The following MICAL3 variants were observed in gnomAD, a reference collection of about 807,000 sequenced individuals.
MICAL3 encodes [F-actin]-monooxygenase MICAL3.
MICAL3 carries 62 observed loss-of-function variants against 207.4 expected under a neutral mutation model. The observed-to-expected ratio is 0.30, with a 90% CI of 0.24 to 0.37. The LOEUF (loss-of-function observed/expected upper bound fraction) is 0.37. Ranked by LOEUF, MICAL3 falls within the 10% of genes least tolerant of loss-of-function variation. The pLI, the probability that MICAL3 is intolerant of heterozygous loss-of-function variation, is 1.00. For missense variants in MICAL3, 2,368 were observed against 2,635.6 expected (o/e 0.90, Z 2.22); for synonymous variants, 1,077 against 1,069.3 (o/e 1.01, Z -0.14).
At chr22:17,995,838 T>A (rs536838989) in intron 1 of MICAL3, among the ~76,000 whole-genome samples, 12 of 151,788 alleles carry the variant, frequency 7.9e-5, no homozygotes, top group African/African-American at 2.7e-4. Context: ...GCGGCAATCA[T>A]CTCTCCTCTG....
At chr22:17,971,764 C>T (rs1935422843) in intron 1 of MICAL3, among the ~76,000 whole-genome samples, 1 of 152,228 alleles carries the variant, frequency 6.6e-6, no homozygotes, top group Non-Finnish European at 1.5e-5. Context: ...TAAGACAGAA[C>T]ATCGGAAGGG....
At chr22:17,826,948 C>G (rs73382801) in intron 22 of MICAL3, among the ~76,000 whole-genome samples, 499 of 152,306 alleles carry the variant, frequency 3.3e-3, no homozygotes, top group African/African-American at 0.012. Flanking sequence ...GGGTGTGGCC[C>G]GTGACCGGCG....
In MICAL3 at chr22:17,863,255, T is replaced by C. The variant is rs927086897; in HGVS notation, c.2605+1644A>G. On this transcript the variant is annotated intron_variant, in intron 19 of 31. Coordinates refer to ENST00000441493, the MANE Select transcript of MICAL3 (RefSeq NM_015241.3). ...ATTCTTTTTAAAAAATGTTCTGTAC[T>C]CCAAACCGAAATGGAAAGTTTAGTT... 5 of 985,302 alleles carry C rather than the reference T, an allele frequency of 5.1e-6. No homozygotes were observed. In the African/African-American group the frequency reaches 8.7e-5, roughly 17 times the overall value. 61.0% of individuals were successfully genotyped at this position (985,302 alleles called of 1,614,324 possible).
At chr22:17,992,722 A>G (rs1200499233) in intron 1 of MICAL3, among the ~76,000 whole-genome samples, 2 of 151,996 alleles carry the variant, frequency 1.3e-5, no homozygotes, top group Non-Finnish European at 2.9e-5. Context: ...AATTCAAGCT[A>G]CCACCTGTGA....
chr22:17,794,596 AG>A (rs1258483921), intron 29 of MICAL3, among the ~76,000 whole-genome samples: 2 of 152,168 alleles, frequency 1.3e-5, no homozygotes, highest in Non-Finnish European at 2.9e-5. Flanking sequence ...TCTCTCCCCC[AG>A]GAACAGGGAG....
At chr22:17,973,991 A>G (rs1289923772) in intron 1 of MICAL3, among the ~76,000 whole-genome samples, 1 of 152,218 alleles carries the variant, frequency 6.6e-6, no homozygotes, top group Non-Finnish European at 1.5e-5. Flanking sequence ...CCTATTTATC[A>G]CAACAGAAAA....
intron 1 of MICAL3, chr22:18,019,726 G>T: frequency 2.0e-5 from 4 of 203,044 alleles, no homozygotes; most frequent in South Asian, 1.8e-4. Context: ...AGAAAAAAAG[G>T]GTGATCAGGG....
In MICAL3 at chr22:17,817,552, G is replaced by A. The variant is rs1205400938; in HGVS notation, c.5109C>T (p.Phe1703=). Residue 1703 remains phenylalanine, a synonymous_variant, in exon 26 of 32, where the codon TTC becomes TTT. Coordinates refer to ENST00000441493, the MANE Select transcript of MICAL3 (RefSeq NM_015241.3). ...TCTCCTTCTTGTTTCTGCGGGGGGA[G>A]AAGAGTGACGACCTCTTCTTGCTCT... The part of the protein sequence containing the change: ...SGKSKKRSSL[F]SPRRNKKEKK... 3.7e-6 allele frequency: 6 copies of A among 1,613,320 alleles called. No homozygotes were observed. The highest frequency in any genetic ancestry group is 3.3e-5 in the Admixed American group (2 of 59,982).
At chr22:17,881,245 G>A (rs1929397828) in intron 16 of MICAL3, 1 of 1,612,332 alleles carries the variant, frequency 6.2e-7, no homozygotes, top group Non-Finnish European at 8.5e-7. Context: ...TGGAGTAGGG[G>A]GAGGAGACAG....
chr22:17,815,937 T>G (rs1920981823), intron 27 of MICAL3, among the ~76,000 whole-genome samples: 1 of 152,126 alleles, frequency 6.6e-6, no homozygotes, highest in Non-Finnish European at 1.5e-5. Context: ...GAAGGCATGC[T>G]ACATTCTCGG....
At chr22:17,963,510 C>T (rs1224545383) in intron 1 of MICAL3, among the ~76,000 whole-genome samples, 1 of 152,070 alleles carries the variant, frequency 6.6e-6, no homozygotes, top group African/African-American at 2.4e-5. Flanking sequence ...CGTGATGGGC[C>T]TCCGTCGCCG....
At chr22:17,967,914 A>G (rs11704948) in intron 1 of MICAL3, among the ~76,000 whole-genome samples, 1,649 of 152,248 alleles carry the variant, frequency 0.011, 8 homozygotes, top group Middle Eastern at 0.017. Flanking sequence ...GTGGTCACGC[A>G]CACCTGTAAT....
chr22:17,877,229 G>A lies in MICAL3; in HGVS notation c.2242-5206C>T, dbSNP rs199615538. On this transcript the variant is annotated intron_variant, in intron 16 of 31. Coordinates refer to ENST00000441493, the MANE Select transcript of MICAL3 (RefSeq NM_015241.3). ...TTATGGAGGTTATGGAGGTTAGGGA[G>A]GTTATGGAGGTTAGGGAGGTTAGGG... Among the ~76,000 whole-genome samples, 315 of 60,822 alleles carry A rather than the reference G, an allele frequency of 5.2e-3. 3 individuals carry two copies. The highest frequency in any genetic ancestry group is 0.011 in the East Asian group (20 of 1,774). 39.9% of individuals were successfully genotyped at this position (60,822 alleles called of 152,430 possible).
At chr22:17,858,382 G>A in intron 19 of MICAL3, 1 of 754,968 alleles carries the variant, frequency 1.3e-6, no homozygotes, top group Middle Eastern at 6.8e-4. Context: ...GAGGCGCTTG[G>A]CTGGGTGAGC....
At chr22:17,971,302 T>C (rs1246713281) in intron 1 of MICAL3, among the ~76,000 whole-genome samples, 1 of 152,108 alleles carries the variant, frequency 6.6e-6, no homozygotes, top group Non-Finnish European at 1.5e-5. Context: ...ACCCCATCTC[T>C]ACTAAAATAC....
intron 29 of MICAL3, among the ~76,000 whole-genome samples, chr22:17,797,729 A>G (rs1224442735): frequency 6.6e-6 from 1 of 152,264 alleles, no homozygotes; most frequent in African/African-American, 2.4e-5. Context: ...GGTAAGGATG[A>G]TGCGGGAGAC....
intron 5 of MICAL3, 76 bp from the exon 6 acceptor site, chr22:17,901,073 C>G (rs1931280420): frequency 7.1e-7 from 1 of 1,408,686 alleles, no homozygotes. Context: ...AGTGGGGGTG[C>G]TGATAAAGAC....
intron 1 of MICAL3, among the ~76,000 whole-genome samples, chr22:17,988,898 C>T (rs1484443868): frequency 1.3e-5 from 2 of 152,222 alleles, no homozygotes; most frequent in Non-Finnish European, 2.9e-5. Context: ...CACTTCTGTG[C>T]TCTCTGTGGC....
intron 1 of MICAL3, among the ~76,000 whole-genome samples, chr22:17,944,504 G>A (rs981809693): frequency 4.6e-5 from 7 of 152,136 alleles, no homozygotes; most frequent in African/African-American, 1.7e-4. Context: ...CAATGAAGTC[G>A]GAGGCAGGGA....
Sources: allele counts gnomAD v4.1 joint callset (sites outside exome capture counted in the v4.1 genomes callset), GRCh38; gene constraint gnomAD v4.1.1; transcripts MANE v1.5; gene names NCBI Gene and HGNC (gene_info 2026-07-23, HGNC 2026-07-21).